The following ITFG1 variants were observed in gnomAD, a reference collection of about 807,000 sequenced individuals.
ITFG1 encodes the protein T-cell immunomodulatory protein.
ITFG1 carries 34 observed loss-of-function variants against 81.8 expected under a neutral mutation model. That is an observed-to-expected ratio of 0.42 (90% CI 0.32 to 0.55). The LOEUF (loss-of-function observed/expected upper bound fraction) is 0.55. Among genes scored for constraint, ITFG1 ranks in the 20% least tolerant of loss-of-function variants. The probability of loss-of-function intolerance (pLI) is 0.17; values close to 1 mark genes in which losing one functional copy is unlikely to be tolerated. For synonymous variants in ITFG1, 285 were observed against 270.6 expected, an observed-to-expected ratio of 1.05 and a Z score of -0.52; for missense variants, 672 against 755.4, an observed-to-expected ratio of 0.89 and a Z score of 1.29.
intron 10 of ITFG1, among the ~76,000 whole-genome samples, chr16:47,306,602 C>G (rs181123493): frequency 0.01 from 1,511 of 150,344 alleles, 17 homozygotes; most frequent in Non-Finnish European, 0.013. Context: ...TAATAGAAAA[C>G]AAGAGTAAAC....
chr16:47,451,168 C>T (rs965881346), intron 5 of ITFG1, among the ~76,000 whole-genome samples: 4 of 152,054 alleles, frequency 2.6e-5, no homozygotes, highest in Non-Finnish European at 4.4e-5. Flanking sequence ...AATGGGGACC[C>T]GTAAAGTTTC....
At chr16:47,160,902 G>A (rs1209166608) in intron 16 of ITFG1, among the ~76,000 whole-genome samples, 2 of 152,044 alleles carry the variant, frequency 1.3e-5, no homozygotes, top group East Asian at 1.9e-4. Context: ...CAATACATTC[G>A]ATCGAGATGT....
At position 47,155,709 on chromosome 16, in the gene ITFG1, TA is replaced by T; in HGVS notation, c.*9del. On this transcript the variant is annotated 3_prime_UTR_variant, in exon 18 of 18. Coordinates refer to ENST00000320640, the MANE Select transcript of ITFG1 (RefSeq NM_030790.5). ...GAACAGCCATTCCATTATGTAATAT[TA>T]AAGGCAAGTCACATAGCATCAAAAT... is the stretch of plus-strand genomic sequence containing the variant. 6.3e-7 allele frequency: 1 copy of T among 1,594,824 alleles called. No individual in the cohort carries two copies. Among genetic ancestry groups the T allele is most frequent in the Non-Finnish European group, 8.6e-7 (1 of 1,167,072 alleles).
intron 8 of ITFG1, among the ~76,000 whole-genome samples, chr16:47,323,094 T>C (rs1300189701): frequency 6.6e-6 from 1 of 152,108 alleles, no homozygotes; most frequent in Non-Finnish European, 1.5e-5. Context: ...TTCACTACTA[T>C]TATGATTTGA....
chr16:47,221,921 G>A (rs184488759), intron 13 of ITFG1, among the ~76,000 whole-genome samples: 5 of 152,164 alleles, frequency 3.3e-5, no homozygotes, highest in Admixed American at 1.3e-4. Context: ...CTGTGGGATC[G>A]GTGGTTATAT....
At chr16:47,239,303 C>T (rs1277465201) in intron 12 of ITFG1, among the ~76,000 whole-genome samples, 4 of 151,860 alleles carry the variant, frequency 2.6e-5, no homozygotes, top group African/African-American at 7.3e-5. Flanking sequence ...TGGGTTCAAG[C>T]GATTCTCCTG....
intron 2 of ITFG1, among the ~76,000 whole-genome samples, chr16:47,456,990 C>A (rs940619857): frequency 2.6e-5 from 4 of 152,056 alleles, no homozygotes; most frequent in Non-Finnish European, 5.9e-5. Flanking sequence ...GAAAACTATG[C>A]AATCTATTTT....
At chr16:47,395,803 A>T (rs1968585873) in intron 6 of ITFG1, among the ~76,000 whole-genome samples, 1 of 152,242 alleles carries the variant, frequency 6.6e-6, no homozygotes, top group African/African-American at 2.4e-5. Context: ...CAAAATGTCA[A>T]AGAAGTGAAG....
chr16:47,164,254 AT>A (rs1370460561), intron 14 of ITFG1, among the ~76,000 whole-genome samples: 2 of 148,722 alleles, frequency 1.3e-5, no homozygotes, highest in East Asian at 4.0e-4. Context: ...GGTCTTTTTA[AT>A]TTTTATTTTT....
rs544496897 is a variant in ITFG1 at position 47,268,157 on chromosome 16, A to G, written c.1071-7462T>C. ...TTCACTCAGAATGGCCATTAAAAAA[A>G]TAAAAAGGAGAAAAGGTAAAAAGTA... On this transcript the variant is annotated intron_variant, in intron 10 of 17. Transcript: ENST00000320640. 2.0e-5 allele frequency among the ~76,000 whole-genome samples: 3 copies of G among 152,246 alleles called. No individual in the cohort carries two copies. The South Asian group carries it at 6.2e-4, about 32-fold the overall frequency.
rs1050671453 is a variant in ITFG1 at position 47,155,648 on chromosome 16, T to G, written c.*71A>C. 18 of 999,080 alleles carry G rather than the reference T, an allele frequency of 1.8e-5. No individual in the cohort carries two copies. In the Admixed American group the frequency reaches 4.1e-4, roughly 23 times the overall value. 61.9% of individuals were successfully genotyped at this position (999,080 alleles called of 1,614,324 possible). The stretch of plus-strand genomic sequence containing the variant: ...TAAATAATATTTAATCTCCCCTATT[T>G]TTTCAAGCCAGAATTTGTGTTTCAA... On this transcript the variant is annotated 3_prime_UTR_variant, in exon 18 of 18. Transcript: ENST00000320640.
intron 8 of ITFG1, among the ~76,000 whole-genome samples, chr16:47,338,456 A>T (rs1272057928): frequency 6.6e-6 from 1 of 152,060 alleles, no homozygotes; most frequent in Non-Finnish European, 1.5e-5. Context: ...AAGAAAAAAA[A>T]CCCTAGCAAA....
chr16:47,162,753 A>C (rs1964828369), intron 14 of ITFG1, 89 bp from the exon 15 acceptor site: 1 of 1,149,686 alleles, frequency 8.7e-7, no homozygotes, highest in Middle Eastern at 2.2e-4. Flanking sequence ...TTAAAAATTT[A>C]GGTACTGGAA....
intron 13 of ITFG1, among the ~76,000 whole-genome samples, chr16:47,222,175 T>A (rs1321841280): frequency 6.6e-6 from 1 of 151,698 alleles, no homozygotes; most frequent in Non-Finnish European, 1.5e-5. Flanking sequence ...TTAATTGTGA[T>A]GTTAGGGTGT....
Position 47,218,887 on chromosome 16 carries a change from C to A in ITFG1, c.1434G>T (p.Gly478=), listed in dbSNP as rs555338375. 4 of 1,595,678 alleles carry A rather than the reference C, an allele frequency of 2.5e-6. No individual in the cohort carries two copies. Among genetic ancestry groups the A allele is most frequent in the Non-Finnish European group, 3.4e-6 (4 of 1,170,088 alleles). Residue 478 remains glycine (G), a synonymous_variant, in exon 14 of 18, where the codon GGG becomes GGT. Coordinates refer to ENST00000320640, the MANE Select transcript of ITFG1 (RefSeq NM_030790.5). ...YIMYTTVDAN[G]YLKNGSAGQL... ...TCTTACCTGATCCATTTTTCAGATA[C>A]CCATTTGCATCTACAGTTGTATACA...
chr16:47,380,128 G>C (rs1378817552), intron 6 of ITFG1, among the ~76,000 whole-genome samples: 1 of 149,920 alleles, frequency 6.7e-6, no homozygotes, highest in East Asian at 2.0e-4. Flanking sequence ...AAGAGCAGAA[G>C]AAGGGAACCC....
chr16:47,323,389 G>C (rs185065226), intron 8 of ITFG1, among the ~76,000 whole-genome samples: 1 of 152,208 alleles, frequency 6.6e-6, no homozygotes, highest in African/African-American at 2.4e-5. Flanking sequence ...ACATTAGCAG[G>C]CTCAGCCCCC....
intron 17 of ITFG1, among the ~76,000 whole-genome samples, chr16:47,157,978 A>C (rs1050080331): frequency 6.6e-6 from 1 of 152,224 alleles, no homozygotes. Flanking sequence ...TTTTCTTTGC[A>C]TAAAAATCTT....
At chr16:47,339,585 T>A (rs2151576879) in intron 8 of ITFG1, among the ~76,000 whole-genome samples, 1 of 152,044 alleles carries the variant, frequency 6.6e-6, no homozygotes, top group Middle Eastern at 3.4e-3. Flanking sequence ...AATATAAAGT[T>A]CCCTAGAAAT....
Sources: allele counts gnomAD v4.1 joint callset (sites outside exome capture counted in the v4.1 genomes callset), GRCh38; gene constraint gnomAD v4.1.1; transcripts MANE v1.5; gene names NCBI Gene and HGNC (gene_info 2026-07-23, HGNC 2026-07-21).